Variants in ZNF571 observed in about 807,000 individuals in gnomAD.
The protein encoded by ZNF571 is zinc finger protein 571.
A neutral mutation model predicts 7.7 loss-of-function variants in ZNF571; 4 were observed. The observed-to-expected ratio is 0.52, with a 90% CI of 0.25 to 1.18. The LOEUF (loss-of-function observed/expected upper bound fraction) is 1.18. Among genes scored for constraint, ZNF571 ranks in the 50% most tolerant of loss-of-function variants. The probability of loss-of-function intolerance (pLI) is 0.14; values close to 1 mark genes in which losing one functional copy is unlikely to be tolerated. For synonymous variants in ZNF571, 251 were observed against 232.4 expected (o/e 1.08, Z -0.73); for missense variants, 704 against 726.9 (o/e 0.97, Z 0.36).
intron 1 of ZNF571, among the ~76,000 whole-genome samples, chr19:37,592,021 G>A (rs537771687): frequency 6.6e-6 from 1 of 152,252 alleles, no homozygotes; most frequent in South Asian, 2.1e-4. Context: ...ACTTTGGGAA[G>A]CTGAGGTGGG....
rs755750377 is a variant in ZNF571, at chr19:37,566,032, A to G, written c.396T>C (p.Ile132=). 9.9e-6 allele frequency: 16 copies of G among 1,613,962 alleles called. 1 individual carries two copies. The highest frequency in any genetic ancestry group is 1.1e-5 in the Non-Finnish European group (13 of 1,179,964). Residue 132 remains isoleucine, a synonymous_variant, in exon 4 of 4, where the codon ATT becomes ATC. Coordinates refer to ENST00000451802, the MANE Select transcript of ZNF571 (RefSeq NM_016536.5). The stretch of plus-strand genomic sequence containing the variant: ...ATTTGTACAATTTTTCCTTGGTAGG[A>G]ATTATCCGATGAAAAGTAGAAGAGG... ...HSTSSTFHRI[I]PTKEKLYKCK...
chr19:37,578,149 T>TCTCGCCCCACTCCCCA (rs1178533582), intron 3 of ZNF571, among the ~76,000 whole-genome samples: 1 of 152,042 alleles, frequency 6.6e-6, no homozygotes, highest in Non-Finnish European at 1.5e-5. Flanking sequence ...GCCCTTCCCC[T>TCTCGCCCCACTCCCCA]CTCGCCCCAC....
intron 3 of ZNF571, among the ~76,000 whole-genome samples, chr19:37,582,245 C>T (rs73033117): frequency 0.17 from 25,401 of 152,062 alleles, 2,424 homozygotes; most frequent in Middle Eastern, 0.3. Flanking sequence ...TTGCCAAACC[C>T]ACCTTGTCAG....
chr19:37,584,789 C>T (rs1160014189), intron 2 of ZNF571, among the ~76,000 whole-genome samples: 4 of 151,742 alleles, frequency 2.6e-5, no homozygotes, highest in African/African-American at 9.7e-5. Flanking sequence ...GGTGAAACCC[C>T]GTCTCTACTA....
At chr19:37,589,053 AGCTGGGTGTGGTGGCGGGT>A (rs1479379415) in intron 1 of ZNF571, among the ~76,000 whole-genome samples, 2 of 151,978 alleles carry the variant, frequency 1.3e-5, no homozygotes, top group African/African-American at 4.8e-5. Context: ...TACAAAAATT[AGCTGGGTGTGGTGGCGGGT>A]GCTTGTGATC....
intron 3 of ZNF571, among the ~76,000 whole-genome samples, chr19:37,582,627 C>T (rs2043511840): frequency 6.6e-6 from 1 of 152,202 alleles, no homozygotes; most frequent in Admixed American, 6.5e-5. Flanking sequence ...TATCTAACTT[C>T]ACCACACAGA....
At position 37,564,646 on chromosome 19, in the gene ZNF571, G is replaced by A. The variant is rs375567224; in HGVS notation, c.1782C>T (p.Asp594=). The A allele has an allele frequency of 2.5e-6, 4 of 1,592,462 alleles. No individual in the cohort carries two copies. The African/African-American group carries it at 4.0e-5, about 16-fold the overall frequency. ...GAGTAAGTTGTGAAGGACATCTAAA[G>A]TCTTTACCACACTGGACACATGTAT... The part of the protein sequence containing the change: ...KPYTCVQCGK[D]FRCPSQLTQH... The change falls in exon 4 of 4, where the codon GAC becomes GAT. Residue 594 remains aspartate, a synonymous_variant. Transcript: ENST00000451802.
chr19:37,566,446 G>T, intron 3 of ZNF571, 155 bp from the exon 4 acceptor site: 1 of 809,428 alleles, frequency 1.2e-6, no homozygotes, highest in Non-Finnish European at 1.8e-6. Context: ...AAAGGCACAA[G>T]GAGAGAATAA....
In ZNF571 at chr19:37,584,097, A is replaced by G. The variant is rs369785388; in HGVS notation, c.10T>C (p.Leu4=). The G allele has an allele frequency of 3.2e-5, 52 of 1,613,974 alleles. No homozygotes were observed. The highest frequency in any genetic ancestry group is 1.6e-4 in the Middle Eastern group (1 of 6,084). The change falls in exon 3 of 4, where the codon TTG becomes CTG. Residue 4 remains leucine, a splice_region_variant and synonymous_variant. Transcript: ENST00000451802. MPH[L]LVTFRDVAID... ...GCCACATCCCTGAAAGTCACCAACAACTGAAACAACAAATCCATTACAGGA... is the reference window on the plus strand; with the variant it reads ...GCCACATCCCTGAAAGTCACCAACAGCTGAAACAACAAATCCATTACAGGA...
chr19:37,585,863 G>A (rs998309872), intron 2 of ZNF571: 1 of 152,098 alleles, frequency 6.6e-6, no homozygotes, highest in Non-Finnish European at 1.5e-5. Flanking sequence ...GAGGGAGGCA[G>A]GTGAGTAAAA....
Position 37,564,850 on chromosome 19 carries a change from A to C in ZNF571, c.1578T>G (p.Gly526=), listed in dbSNP as rs369181031. 7.4e-6 allele frequency: 12 copies of C among 1,613,850 alleles called. No homozygotes were observed. In the African/African-American group the frequency reaches 1.5e-4, roughly 20 times the overall value. The change falls in exon 4 of 4, where the codon GGT becomes GGG. Residue 526 remains glycine (G), a synonymous_variant. Coordinates refer to ENST00000451802, the MANE Select transcript of ZNF571 (RefSeq NM_016536.5). Reference sequence around the variant, plus strand: ...ACTGTTTACATTCATAAGGTTTTTCACCTCTGTGAATTCTCTGATGTTCAC... The same window carrying C: ...ACTGTTTACATTCATAAGGTTTTTCCCCTCTGTGAATTCTCTGATGTTCAC... The part of the protein sequence containing the change: ...QLSEHQRIHR[G]EKPYECKQCG...
intron 3 of ZNF571, among the ~76,000 whole-genome samples, chr19:37,582,650 A>G (rs911216258): frequency 1.3e-5 from 2 of 152,208 alleles, no homozygotes; most frequent in African/African-American, 4.8e-5. Flanking sequence ...TCTAATGAGC[A>G]TATCAAATAC....
intron 1 of ZNF571, among the ~76,000 whole-genome samples, chr19:37,587,636 T>C (rs1033440974): frequency 1.3e-5 from 2 of 151,744 alleles, no homozygotes; most frequent in Non-Finnish European, 2.9e-5. Context: ...ACATGTATAA[T>C]CCATGAACTT....
At chr19:37,592,972 T>C (rs868238724) in intron 1 of ZNF571, among the ~76,000 whole-genome samples, 1 of 152,248 alleles carries the variant, frequency 6.6e-6, no homozygotes, top group African/African-American at 2.4e-5. Context: ...GTGTGGACTC[T>C]ATCTGGATCC....
intron 1 of ZNF571, chr19:37,587,346 A>G (rs1282927243): frequency 6.6e-6 from 1 of 152,194 alleles, no homozygotes; most frequent in Non-Finnish European, 1.5e-5. Context: ...ATTCCTTACC[A>G]AAGTCTGGAT....
intron 1 of ZNF571, among the ~76,000 whole-genome samples, chr19:37,592,157 T>G (rs944880873): frequency 6.6e-6 from 1 of 151,632 alleles, no homozygotes; most frequent in African/African-American, 2.4e-5. Flanking sequence ...ACTCGGGAGG[T>G]TGAGGCAGAA....
rs2147148667 is a variant in ZNF571, at chr19:37,565,098, C to G, written c.1330G>C (p.Glu444Gln). The G allele has an allele frequency of 6.2e-7, 1 of 1,613,378 alleles. No homozygotes were observed. The highest frequency in any genetic ancestry group is 1.6e-4 in the Middle Eastern group (1 of 6,062). Reference protein sequence around the residue: ...LSEHQRIHTGEKPFECKECGK... With the variant: ...LSEHQRIHTGQKPFECKECGK... Reference sequence around the variant, plus strand: ...CATTCCTTACATTCAAAGGGTTTCTCACCTGTATGAATTCTCTGATGTTCA... The same window carrying G: ...CATTCCTTACATTCAAAGGGTTTCTGACCTGTATGAATTCTCTGATGTTCA... The change falls in exon 4 of 4, where the codon GAG becomes CAG. Residue 444 changes from glutamate to glutamine, a missense_variant. Physicochemically the swap from Glu to Gln is conservative, Grantham distance 29. Coordinates refer to ENST00000451802, the MANE Select transcript of ZNF571 (RefSeq NM_016536.5).
intron 2 of ZNF571, 151 bp from the exon 3 acceptor site, chr19:37,584,248 C>G (rs1482036630): frequency 1.1e-6 from 1 of 939,688 alleles, no homozygotes; most frequent in East Asian, 2.7e-5. Context: ...GATTCTCTAT[C>G]ATTCCTATTG....
chr19:37,587,743 C>T (rs1037775188), intron 1 of ZNF571, among the ~76,000 whole-genome samples: 2 of 152,076 alleles, frequency 1.3e-5, no homozygotes, highest in African/African-American at 4.8e-5. Flanking sequence ...AGCTTTGAAG[C>T]ACCATAAGCC....
Sources: allele counts gnomAD v4.1 joint callset (sites outside exome capture counted in the v4.1 genomes callset), GRCh38; gene constraint gnomAD v4.1.1; transcripts MANE v1.5; gene names NCBI Gene and HGNC (gene_info 2026-07-23, HGNC 2026-07-21).